Variants in MAML2 observed in about 807,000 individuals in gnomAD.
MAML2 encodes mastermind-like protein 2.
A neutral mutation model predicts 96.1 loss-of-function variants in MAML2; 22 were observed. That is an observed-to-expected ratio of 0.23 (90% CI 0.16 to 0.33). The LOEUF (loss-of-function observed/expected upper bound fraction) is 0.33, where lower values mean the gene tolerates loss of function less well. MAML2 is among the 10% of genes least tolerant of loss of function. The probability of loss-of-function intolerance (pLI) is 1.00; values close to 1 mark genes in which losing one functional copy is unlikely to be tolerated. For missense variants in MAML2, 1,367 were observed against 1,392.4 expected, an observed-to-expected ratio of 0.98 and a Z score of 0.29; for synonymous variants, 561 against 521.3, an observed-to-expected ratio of 1.08 and a Z score of -1.04.
At chr11:96,009,829 C>T (rs1253756822) in intron 2 of MAML2, among the ~76,000 whole-genome samples, 2 of 152,136 alleles carry the variant, frequency 1.3e-5, no homozygotes, top group Non-Finnish European at 2.9e-5. Context: ...GATTTTAGGT[C>T]AGCTACTAGA....
chr11:96,197,425 G>A (rs947315006), intron 1 of MAML2, among the ~76,000 whole-genome samples: 1 of 152,022 alleles, frequency 6.6e-6, no homozygotes, highest in African/African-American at 2.4e-5. Flanking sequence ...GACTCTTTGG[G>A]GGCTGGGAGG....
chr11:95,980,063 G>A (rs1448712673), intron 4 of MAML2, 100 bp from the exon 5 acceptor site: 1 of 895,606 alleles, frequency 1.1e-6, no homozygotes, highest in Non-Finnish European at 1.7e-6. Flanking sequence ...GCTTTCAGGT[G>A]TAAGACAATT....
intron 1 of MAML2, among the ~76,000 whole-genome samples, chr11:96,110,180 G>A (rs1180350481): frequency 1.3e-5 from 2 of 152,128 alleles, no homozygotes; most frequent in Admixed American, 1.3e-4. Context: ...TTGAGGAGTG[G>A]ATGGAAGGTA....
chr11:96,010,467 A>G (rs551725363), intron 2 of MAML2, among the ~76,000 whole-genome samples: 2 of 152,320 alleles, frequency 1.3e-5, no homozygotes, highest in South Asian at 4.1e-4. Flanking sequence ...TTCTGGGATC[A>G]AGTGGAACAT....
At chr11:96,180,821 G>A (rs1861472067) in intron 1 of MAML2, among the ~76,000 whole-genome samples, 1 of 152,132 alleles carries the variant, frequency 6.6e-6, no homozygotes. Flanking sequence ...GTACAGGCGG[G>A]CTGAGTCCGA....
chr11:96,073,598 G>A (rs764210313), intron 2 of MAML2, among the ~76,000 whole-genome samples: 5 of 152,278 alleles, frequency 3.3e-5, no homozygotes, highest in Non-Finnish European at 7.4e-5. Flanking sequence ...GGGATTACAG[G>A]TGTGAGCCAA....
chr11:96,302,645 CT>C (rs1465179406), intron 1 of MAML2, among the ~76,000 whole-genome samples: 1 of 152,198 alleles, frequency 6.6e-6, no homozygotes, highest in African/African-American at 2.4e-5. Context: ...TTGAAACCCC[CT>C]GATTCCTTAC....
At chr11:96,039,675 G>A (rs1169333065) in intron 2 of MAML2, among the ~76,000 whole-genome samples, 6 of 150,220 alleles carry the variant, frequency 4.0e-5, no homozygotes, top group Non-Finnish European at 3.0e-5. Flanking sequence ...GGCCGGGCGC[G>A]GTGGCTCACG....
At chr11:96,029,174 T>C (rs573319997) in intron 2 of MAML2, among the ~76,000 whole-genome samples, 2 of 151,958 alleles carry the variant, frequency 1.3e-5, no homozygotes, top group East Asian at 3.9e-4. Flanking sequence ...GTTTTTTTTT[T>C]TTTTTTAACA....
intron 1 of MAML2, among the ~76,000 whole-genome samples, chr11:96,321,795 A>G (rs1863705773): frequency 6.6e-6 from 1 of 152,202 alleles, no homozygotes. Flanking sequence ...TTTAATGGAC[A>G]TTTGTCATAG....
chr11:96,194,454 A>G (rs1275841942), intron 1 of MAML2, among the ~76,000 whole-genome samples: 1 of 152,228 alleles, frequency 6.6e-6, no homozygotes, highest in Non-Finnish European at 1.5e-5. Context: ...TCTGCTAGAT[A>G]ATTTCCTGTT....
intron 2 of MAML2, among the ~76,000 whole-genome samples, chr11:96,090,879 A>G (rs1054999096): frequency 6.6e-6 from 1 of 152,228 alleles, no homozygotes; most frequent in Non-Finnish European, 1.5e-5. Context: ...TGGAATTAGG[A>G]TCTGCACCAT....
rs139615820 is a variant in MAML2 at position 95,998,174 on chromosome 11, G to GTCTGTCTGTCTGTCTGTCTGTCTATCTA, written c.2140-6452_2140-6451insTAGATAGACAGACAGACAGACAGACAGA. On this transcript the variant is annotated intron_variant, in intron 2 of 4. Transcript: ENST00000524717. ...TGTCTGTCTGTCTGTCTGTCTGTCT[G>GTCTGTCTGTCTGTCTGTCTGTCTATCTA]TCTATCTATCTATCCACCCCATCCA... Among the ~76,000 whole-genome samples, 791 of 147,774 alleles carry GTCTGTCTGTCTGTCTGTCTGTCTATCTA rather than the reference G, an allele frequency of 5.4e-3. 10 individuals are homozygous for GTCTGTCTGTCTGTCTGTCTGTCTATCTA. The highest frequency in any genetic ancestry group is 0.05 in the East Asian group (244 of 4,876).
At chr11:96,073,712 A>G (rs1374352317) in intron 2 of MAML2, among the ~76,000 whole-genome samples, 1 of 152,214 alleles carries the variant, frequency 6.6e-6, no homozygotes, top group East Asian at 1.9e-4. Context: ...TGCCTTCCAC[A>G]TTCCAGTTAG....
At chr11:96,275,424 C>A (rs150392242) in intron 1 of MAML2, among the ~76,000 whole-genome samples, 7,970 of 151,730 alleles carry the variant, frequency 0.053, 304 homozygotes, top group African/African-American at 0.099. Context: ...ACTATAGGCA[C>A]CCGCCACTAC....
intron 1 of MAML2, among the ~76,000 whole-genome samples, chr11:96,283,407 A>G (rs1284391233): frequency 6.6e-6 from 1 of 152,222 alleles, no homozygotes; most frequent in African/African-American, 2.4e-5. Context: ...TGACATGGGA[A>G]ATAGAAGAAT....
At chr11:96,266,603 C>T (rs1007736197) in intron 1 of MAML2, among the ~76,000 whole-genome samples, 2 of 151,872 alleles carry the variant, frequency 1.3e-5, no homozygotes, top group Admixed American at 6.6e-5. Context: ...CATATTGGTG[C>T]GATTCTGAGC....
At chr11:96,315,555 T>A (rs946367140) in intron 1 of MAML2, among the ~76,000 whole-genome samples, 1 of 152,330 alleles carries the variant, frequency 6.6e-6, no homozygotes, top group African/African-American at 2.4e-5. Context: ...AGACTCCTGT[T>A]TTTTTCATAG....
At chr11:96,200,263 A>G (rs1861799244) in intron 1 of MAML2, among the ~76,000 whole-genome samples, 1 of 152,182 alleles carries the variant, frequency 6.6e-6, no homozygotes, top group Non-Finnish European at 1.5e-5. Flanking sequence ...GTTCTAGATA[A>G]CTTTAACATC....
Sources: allele counts gnomAD v4.1 joint callset (sites outside exome capture counted in the v4.1 genomes callset), GRCh38; gene constraint gnomAD v4.1.1; transcripts MANE v1.5; gene names NCBI Gene and HGNC (gene_info 2026-07-23, HGNC 2026-07-21).